The following FOCAD variants were observed in gnomAD, a reference collection of about 807,000 sequenced individuals.
FOCAD encodes the protein KIAA1797.
Under a neutral mutation model 225.6 loss-of-function variants are expected in FOCAD, and 198 were observed. The ratio of observed to expected loss-of-function variants is 0.88; its 90% CI spans 0.78 to 0.99. FOCAD has a LOEUF of 0.99. Ranked by LOEUF, FOCAD falls within the 50% of genes least tolerant of loss-of-function variation. FOCAD has a pLI of 0.00. For synonymous variants in FOCAD, 897 were observed against 755.0 expected (o/e 1.19, Z -3.08); for missense variants, 2,713 against 2,123.6 (o/e 1.28, Z -5.46).
At position 20,988,351 on chromosome 9, in the gene FOCAD, G is replaced by C. The variant is rs1841364826; in HGVS notation, c.4926G>C (p.Glu1642Asp). The change falls in exon 41 of 44, where the codon GAG becomes GAC. Residue 1642 changes from glutamate (E) to aspartate (D), a missense_variant. By Grantham distance (45) the Glu-to-Asp change is conservative. Coordinates refer to ENST00000338382, the MANE Select transcript of FOCAD (RefSeq NM_001375567.1). The stretch of plus-strand genomic sequence containing the variant: ...TTTCAGGCGTTTTGAAGAGAATGGA[G>C]TGGCTCTTGGAACTGATGGGTTATA... Reference protein sequence around the residue: ...HANTGVLKRMEWLLELMGYIR... With the variant: ...HANTGVLKRMDWLLELMGYIR... 6.2e-7 allele frequency: 1 copy of C among 1,609,994 alleles called. No individual in the cohort carries two copies. Among genetic ancestry groups the C allele is most frequent in the Non-Finnish European group, 8.5e-7 (1 of 1,177,478 alleles).
At position 20,770,193 on chromosome 9, in the gene FOCAD, A is replaced by G; in HGVS notation, c.861A>G (p.Ser287=). 1 of 1,614,118 alleles carries G rather than the reference A, an allele frequency of 6.2e-7. No homozygotes were observed. The highest frequency in any genetic ancestry group is 8.5e-7 in the Non-Finnish European group (1 of 1,180,008). ...EVSLKITGEC[S]SSIHLLEHSV... is the part of the protein sequence containing the mutation. ...GCTTAAAGATAACTGGTGAATGTTC[A>G]TCTTCAATTCACCTTTTAGAGCACA... Residue 287 remains serine, a synonymous_variant, in exon 8 of 44, where the codon TCA becomes TCG. Transcript: ENST00000338382.
At chr9:20,853,888 T>C (rs1394606174) in intron 15 of FOCAD, among the ~76,000 whole-genome samples, 1 of 151,732 alleles carries the variant, frequency 6.6e-6, no homozygotes, top group East Asian at 1.9e-4. Context: ...ATGTTATTTT[T>C]CTCATTGTTT....
intron 1 of FOCAD, among the ~76,000 whole-genome samples, chr9:20,711,162 A>G (rs1824815296): frequency 6.6e-6 from 1 of 152,242 alleles, no homozygotes; most frequent in Non-Finnish European, 1.5e-5. Flanking sequence ...AAGAGGCTTA[A>G]CAGAGATGTG....
At chr9:20,950,176 G>A (rs1432059512) in intron 33 of FOCAD, among the ~76,000 whole-genome samples, 1 of 151,820 alleles carries the variant, frequency 6.6e-6, no homozygotes, top group Non-Finnish European at 1.5e-5. Context: ...AAATTTGAAA[G>A]CACGTAATGA....
In FOCAD at chr9:20,957,883, G is replaced by A. The variant is rs542599282; in HGVS notation, c.4132+4818G>A. ...TTCCTTCAGATAAATTCTCAGTAAT[G>A]TAGTGAGCAGGAGTCCAAGGATTTG... On this transcript the variant is annotated intron_variant, in intron 35 of 43. Coordinates refer to ENST00000338382, the MANE Select transcript of FOCAD (RefSeq NM_001375567.1). Among the ~76,000 whole-genome samples, 13 of 152,016 alleles carry A rather than the reference G, an allele frequency of 8.6e-5. No homozygotes were observed. The South Asian group carries it at 2.3e-3, about 27-fold the overall frequency.
intron 9 of FOCAD, among the ~76,000 whole-genome samples, chr9:20,781,263 T>C (rs980687833): frequency 3.3e-5 from 5 of 152,214 alleles, no homozygotes; most frequent in African/African-American, 1.2e-4. Flanking sequence ...ACAATCTGCT[T>C]CTTAGCAATT....
At chr9:20,670,867 C>G (rs1014437267) in intron 2 of FOCAD, among the ~76,000 whole-genome samples, 6 of 152,102 alleles carry the variant, frequency 3.9e-5, no homozygotes, top group African/African-American at 1.4e-4. Context: ...CTCTGAAGAA[C>G]TGAATGATTT....
rs554416131 is a variant in FOCAD at position 20,932,907 on chromosome 9, A to C, written c.3318-107A>C. ...TATTGTCACTTTTTTTTTTAAGAGA[A>C]ATGCTGGTATTTCCAGTAAAATATT... On this transcript the variant is annotated intron_variant, in intron 27 of 43. Coordinates refer to ENST00000338382, the MANE Select transcript of FOCAD (RefSeq NM_001375567.1). 2.2e-5 allele frequency: 17 copies of C among 784,536 alleles called. No homozygotes were observed. In the Admixed American group the frequency reaches 4.1e-4, roughly 19 times the overall value. The allele number at this position is 784,536 out of a possible 1,614,324, so 48.6% of individuals were successfully genotyped here.
intron 27 of FOCAD, among the ~76,000 whole-genome samples, chr9:20,932,308 T>C (rs1210189885): frequency 6.6e-6 from 1 of 152,174 alleles, no homozygotes; most frequent in Non-Finnish European, 1.5e-5. Flanking sequence ...GGAGTTACAT[T>C]CCACTTACCA....
At chr9:20,762,817 C>CCT (rs141634839) in intron 6 of FOCAD, among the ~76,000 whole-genome samples, 87 of 152,112 alleles carry the variant, frequency 5.7e-4, no homozygotes, top group African/African-American at 2.0e-3. Context: ...AGCCCTTGCC[C>CCT]CTCCTTCCCA....
Position 20,981,792 on chromosome 9 carries a change from G to T in FOCAD, c.4638+106G>T. The T allele has an allele frequency of 4.7e-6, 6 of 1,267,622 alleles. No homozygotes were observed. The South Asian group carries it at 8.8e-5, about 19-fold the overall frequency. The allele number at this position is 1,267,622 out of a possible 1,614,324, so 78.5% of individuals were successfully genotyped here. ...ATGTTTTAAGAATGTGGGTGGGAAG[G>T]CTAGCAAGAAATAACCACATTCTTT... On this transcript the variant is annotated intron_variant, in intron 38 of 43. Transcript: ENST00000338382.
intron 1 of FOCAD, among the ~76,000 whole-genome samples, chr9:20,708,841 G>A (rs759865675): frequency 2.0e-5 from 3 of 151,864 alleles, no homozygotes; most frequent in African/African-American, 4.8e-5. Context: ...CCCTTGAGCC[G>A]TTCCTATATA....
intron 21 of FOCAD, among the ~76,000 whole-genome samples, chr9:20,897,682 T>C (rs537893557): frequency 6.6e-6 from 1 of 151,940 alleles, no homozygotes; most frequent in South Asian, 2.1e-4. Context: ...TCATTCCTTG[T>C]ATCATTGCTG....
intron 5 of FOCAD, among the ~76,000 whole-genome samples, chr9:20,747,539 C>G (rs1248145132): frequency 6.6e-6 from 1 of 152,020 alleles, no homozygotes; most frequent in African/African-American, 2.4e-5. Context: ...CTGTCTAATT[C>G]CAGAATATTT....
chr9:20,963,382 A>G (rs1838946316), intron 35 of FOCAD, among the ~76,000 whole-genome samples: 1 of 152,206 alleles, frequency 6.6e-6, no homozygotes, highest in African/African-American at 2.4e-5. Flanking sequence ...AACGTCTGGA[A>G]AATGGTCATA....
chr9:20,939,733 A>G (rs1836442045), intron 28 of FOCAD, among the ~76,000 whole-genome samples: 1 of 139,388 alleles, frequency 7.2e-6, no homozygotes, highest in Non-Finnish European at 1.6e-5. Flanking sequence ...TATTTTTTAA[A>G]TTTATTTTAT....
chr9:20,694,926 A>G (rs1352771825), intron 1 of FOCAD, among the ~76,000 whole-genome samples: 7 of 152,236 alleles, frequency 4.6e-5, no homozygotes, highest in African/African-American at 1.7e-4. Flanking sequence ...TTTTGAAATC[A>G]GAATCATGTA....
chr9:20,862,224 C>T (rs1828834465), intron 15 of FOCAD, among the ~76,000 whole-genome samples: 1 of 151,788 alleles, frequency 6.6e-6, no homozygotes, highest in Non-Finnish European at 1.5e-5. Context: ...CATTATCTTA[C>T]CTGCTTTGTT....
intron 19 of FOCAD, among the ~76,000 whole-genome samples, chr9:20,881,630 C>G (rs1830672560): frequency 6.6e-6 from 1 of 152,030 alleles, no homozygotes; most frequent in African/African-American, 2.4e-5. Context: ...ATCAGAAGGA[C>G]TTGCTAATGG....
Sources: allele counts gnomAD v4.1 joint callset (sites outside exome capture counted in the v4.1 genomes callset), GRCh38; gene constraint gnomAD v4.1.1; transcripts MANE v1.5; gene names NCBI Gene and HGNC (gene_info 2026-07-23, HGNC 2026-07-21).